Variants in MITF observed in about 807,000 individuals in gnomAD.
MITF encodes the protein melanocyte inducing transcription factor.
Under a neutral mutation model 60.5 loss-of-function variants are expected in MITF, and 17 were observed. The observed-to-expected ratio is 0.28, with a 90% CI of 0.19 to 0.42. MITF has a LOEUF of 0.42. Ranked by LOEUF, MITF falls within the 10% of genes least tolerant of loss-of-function variation. The pLI is 1.00. For synonymous variants in MITF, 260 were observed against 248.5 expected, an observed-to-expected ratio of 1.05 and a Z score of -0.43; for missense variants, 622 against 683.5, an observed-to-expected ratio of 0.91 and a Z score of 1.00.
At chr3:69,865,218 T>C (rs2064089414) in intron 1 of MITF, among the ~76,000 whole-genome samples, 1 of 152,154 alleles carries the variant, frequency 6.6e-6, no homozygotes, top group Non-Finnish European at 1.5e-5. Flanking sequence ...TATCACGTAA[T>C]TTGAGTTTGA....
chr3:69,803,917 A>G lies in MITF; in HGVS notation c.104+64216A>G, dbSNP rs112681678. Among the ~76,000 whole-genome samples, 657 of 152,018 alleles carry G rather than the reference A, an allele frequency of 4.3e-3. 6 individuals carry two copies. The highest frequency in any genetic ancestry group is 0.015 in the African/African-American group (609 of 41,460). On this transcript the variant is annotated intron_variant, in intron 1 of 9. Coordinates refer to ENST00000352241, the MANE Select transcript of MITF (RefSeq NM_001354604.2). ...TGGGAAGTCCCTTTTTTAGAAGTGT[A>G]TAGTCACCGCAAATTAGCTAGGCTG...
chr3:69,854,123 C>G (rs1199861424), intron 1 of MITF, among the ~76,000 whole-genome samples: 2 of 152,182 alleles, frequency 1.3e-5, no homozygotes, highest in Non-Finnish European at 2.9e-5. Flanking sequence ...GCTGGGATTA[C>G]AGGCGTGAGC....
intron 2 of MITF, among the ~76,000 whole-genome samples, chr3:69,910,082 C>G (rs2107383116): frequency 6.6e-6 from 1 of 151,848 alleles, no homozygotes; most frequent in Non-Finnish European, 1.5e-5. Context: ...AGCACAATCC[C>G]TGTGCTGTGT....
At position 69,889,033 on chromosome 3, in the gene MITF, T is replaced by TTG. The variant is rs2064695396; in HGVS notation, c.354+9651_354+9652insGT. 2.1e-5 allele frequency among the ~76,000 whole-genome samples: 3 copies of TTG among 144,964 alleles called. No individual in the cohort carries two copies. In the Admixed American group the frequency reaches 2.1e-4, roughly 10 times the overall value. ...TGTAGTAATAGCCTTTGGTTTTTTTTTTTTTTTTTTTTTTTTTTGCATTGT... is the reference window on the plus strand; with the variant it reads ...TGTAGTAATAGCCTTTGGTTTTTTTTTGTTTTTTTTTTTTTTTTTTGCATTGT... On this transcript the variant is annotated intron_variant, in intron 2 of 9. Transcript: ENST00000352241.
intron 7 of MITF, among the ~76,000 whole-genome samples, chr3:69,953,429 A>G (rs1007249794): frequency 1.3e-5 from 2 of 152,036 alleles, no homozygotes; most frequent in Non-Finnish European, 2.9e-5. Context: ...GTCTCAGCCA[A>G]CCATTGGGAA....
At chr3:69,787,014 C>T (rs894470494) in intron 1 of MITF, among the ~76,000 whole-genome samples, 1 of 152,128 alleles carries the variant, frequency 6.6e-6, no homozygotes, top group Non-Finnish European at 1.5e-5. Flanking sequence ...GGTTCCACTT[C>T]GTGATGATAA....
chr3:69,902,965 A>G (rs2065025395), intron 2 of MITF, among the ~76,000 whole-genome samples: 1 of 152,182 alleles, frequency 6.6e-6, no homozygotes, highest in Admixed American at 6.5e-5. Flanking sequence ...GAAGAATGCA[A>G]TAATGCTACT....
chr3:69,900,642 T>C (rs1055908721), intron 2 of MITF, among the ~76,000 whole-genome samples: 4 of 152,140 alleles, frequency 2.6e-5, no homozygotes, highest in African/African-American at 9.7e-5. Flanking sequence ...AGCCCTTTTT[T>C]TGTTAAGGAG....
chr3:69,804,812 G>A (rs1422282122), intron 1 of MITF, among the ~76,000 whole-genome samples: 1 of 152,210 alleles, frequency 6.6e-6, no homozygotes, highest in Non-Finnish European at 1.5e-5. Flanking sequence ...CTGTCTTGTG[G>A]AAGGTCAGCG....
At chr3:69,780,137 A>T (rs546931353) in intron 1 of MITF, among the ~76,000 whole-genome samples, 12 of 152,224 alleles carry the variant, frequency 7.9e-5, no homozygotes, top group Admixed American at 4.6e-4. Context: ...TTAAAAGATG[A>T]TCTAATAGAG....
intron 2 of MITF, among the ~76,000 whole-genome samples, chr3:69,909,593 AGG>A (rs199509619): frequency 0.015 from 2,348 of 152,268 alleles, 28 homozygotes; most frequent in Middle Eastern, 0.051. Context: ...ATGAACAATA[AGG>A]CCCAGGCTGA....
rs965041109 is a variant in MITF, at chr3:69,763,503, T to G, written c.104+23802T>G. On this transcript the variant is annotated intron_variant, in intron 1 of 9. Coordinates refer to ENST00000352241, the MANE Select transcript of MITF (RefSeq NM_001354604.2). ...AAGTAGGCAGCAATTACTGGTTTGC[T>G]AAAGAAGCCAGCTCCTGCTGCCAAG... The G allele has an allele frequency of 5.5e-6, 6 of 1,095,800 alleles. No homozygotes were observed. In the African/African-American group the frequency reaches 9.8e-5, roughly 18 times the overall value. The allele number at this position is 1,095,800 out of a possible 1,614,324, so 67.9% of individuals were successfully genotyped here. A position where few individuals can be genotyped will look rare whatever the true frequency, so the allele number is the denominator to read the frequency against.
chr3:69,781,665 T>C (rs760755789), intron 1 of MITF, among the ~76,000 whole-genome samples: 1 of 152,146 alleles, frequency 6.6e-6, no homozygotes, highest in African/African-American at 2.4e-5. Context: ...CCCCCAAAGG[T>C]TGGTCCTACT....
chr3:69,844,434 C>G (rs1026656000), intron 1 of MITF, among the ~76,000 whole-genome samples: 1 of 152,158 alleles, frequency 6.6e-6, no homozygotes, highest in Non-Finnish European at 1.5e-5. Context: ...AAAACTGAAA[C>G]TGGACCCCTT....
chr3:69,837,932 T>A (rs966221903), intron 1 of MITF, among the ~76,000 whole-genome samples: 1 of 152,224 alleles, frequency 6.6e-6, no homozygotes, highest in South Asian at 2.1e-4. Context: ...TATGCATGTG[T>A]GTATTTGTGT....
At chr3:69,936,996 A>G in intron 2 of MITF, 1 of 414,060 alleles carries the variant, frequency 2.4e-6, no homozygotes. Context: ...TATCTTCATC[A>G]GCTCCTGTTC....
At chr3:69,762,707 G>C (rs2062229414) in intron 1 of MITF, 2 of 219,990 alleles carry the variant, frequency 9.1e-6, no homozygotes, top group Non-Finnish European at 1.8e-5. Context: ...CTCCTGCCCT[G>C]GTTTATCTCG....
chr3:69,788,200 A>G (rs542347122), intron 1 of MITF, among the ~76,000 whole-genome samples: 1 of 150,526 alleles, frequency 6.6e-6, no homozygotes, highest in Non-Finnish European at 1.5e-5. Flanking sequence ...TTTGTTACAT[A>G]TGTATACATG....
chr3:69,772,911 G>T (rs1268960669), intron 1 of MITF, among the ~76,000 whole-genome samples: 3 of 152,110 alleles, frequency 2.0e-5, no homozygotes, highest in Non-Finnish European at 4.4e-5. Context: ...GAAAATCTTT[G>T]TATTCATGGA....
Sources: gnomAD v4.1 joint callset for allele counts (sites outside exome capture counted in the v4.1 genomes callset) on GRCh38, gnomAD v4.1.1 for gene constraint, MANE v1.5 for transcripts, NCBI Gene and HGNC (gene_info 2026-07-23, HGNC 2026-07-21) for gene names.